CDH18: variants seen among roughly 807,000 people sequenced by gnomAD.
CDH18 encodes cadherin 18, also known as cadherin-18.
In CDH18, 31 loss-of-function variants were observed where a neutral mutation model predicts 67.9. That is an observed-to-expected ratio of 0.46 (90% CI 0.34 to 0.62). The LOEUF is 0.62. Among genes scored for constraint, CDH18 ranks in the 20% least tolerant of loss-of-function variants. The pLI, the probability that CDH18 is intolerant of heterozygous loss-of-function variation, is 0.01. For missense variants in CDH18, 890 were observed against 975.5 expected (o/e 0.91, Z 1.17); for synonymous variants, 362 against 347.2 (o/e 1.04, Z -0.48).
chr5:19,740,848 T>C (rs1434999722), intron 4 of CDH18, among the ~76,000 whole-genome samples: 1 of 151,974 alleles, frequency 6.6e-6, no homozygotes, highest in East Asian at 1.9e-4. Context: ...AATGTAACTA[T>C]AGAGAAAGAA....
At chr5:19,790,205 CA>C (rs927148645) in intron 3 of CDH18, among the ~76,000 whole-genome samples, 14 of 152,058 alleles carry the variant, frequency 9.2e-5, no homozygotes, top group Non-Finnish European at 1.3e-4. Context: ...TCTAGTTTTC[CA>C]AAAATCTAAT....
intron 6 of CDH18, among the ~76,000 whole-genome samples, chr5:19,592,336 G>A (rs1745290114): frequency 6.6e-6 from 1 of 151,946 alleles, no homozygotes; most frequent in Admixed American, 6.6e-5. Context: ...TTTCTATAGT[G>A]CTTATATTAA....
At chr5:20,109,449 T>C (rs1203683116) in intron 2 of CDH18, among the ~76,000 whole-genome samples, 1 of 152,208 alleles carries the variant, frequency 6.6e-6, no homozygotes, top group Non-Finnish European at 1.5e-5. Flanking sequence ...GATAAGGGCT[T>C]TGCAGTTAAA....
intron 5 of CDH18, among the ~76,000 whole-genome samples, chr5:19,691,533 A>T (rs893179471): frequency 3.9e-5 from 6 of 152,072 alleles, no homozygotes; most frequent in East Asian, 1.9e-4. Flanking sequence ...GATTAAAAAA[A>T]TTAATTTGCA....
At chr5:20,451,995 G>T (rs1031996322) in intron 1 of CDH18, among the ~76,000 whole-genome samples, 2 of 152,034 alleles carry the variant, frequency 1.3e-5, no homozygotes, top group Non-Finnish European at 2.9e-5. Flanking sequence ...ACCATGTAAA[G>T]AAATTTATAT....
intron 2 of CDH18, among the ~76,000 whole-genome samples, chr5:20,228,935 G>T (rs1384246759): frequency 1.3e-5 from 2 of 152,024 alleles, no homozygotes; most frequent in Non-Finnish European, 2.9e-5. Flanking sequence ...ATAGTCACAG[G>T]CTCTGATGTA....
chr5:20,390,540 G>C (rs976615449), intron 1 of CDH18, among the ~76,000 whole-genome samples: 1 of 152,118 alleles, frequency 6.6e-6, no homozygotes, highest in Non-Finnish European at 1.5e-5. Context: ...ACTGTTGGTG[G>C]GACTGTATAC....
At chr5:20,084,416 C>T (rs1045128361) in intron 2 of CDH18, among the ~76,000 whole-genome samples, 1 of 152,186 alleles carries the variant, frequency 6.6e-6, no homozygotes, top group Admixed American at 6.5e-5. Flanking sequence ...CTTTCATGGG[C>T]TGGTCTTGAG....
At chr5:19,545,303 A>G (rs1736124712) in intron 8 of CDH18, among the ~76,000 whole-genome samples, 2 of 152,218 alleles carry the variant, frequency 1.3e-5, no homozygotes, top group South Asian at 4.1e-4. Context: ...TCAATTGGTT[A>G]GAAAACAAAT....
intron 1 of CDH18, among the ~76,000 whole-genome samples, chr5:20,266,665 C>T (rs1032719997): frequency 7.1e-5 from 10 of 141,618 alleles, no homozygotes; most frequent in African/African-American, 2.1e-4. Context: ...AGGCCTCAAG[C>T]GATCCACCCA....
chr5:19,523,432 G>A (rs956716739), intron 9 of CDH18, among the ~76,000 whole-genome samples: 8 of 151,960 alleles, frequency 5.3e-5, no homozygotes, highest in Admixed American at 3.3e-4. Context: ...TGTGGCACAC[G>A]TAACTGACAA....
intron 2 of CDH18, among the ~76,000 whole-genome samples, chr5:19,897,480 T>C (rs1789471128): frequency 6.6e-6 from 1 of 152,124 alleles, no homozygotes; most frequent in South Asian, 2.1e-4. Context: ...GCCCACACAT[T>C]TAAGTTGGTG....
chr5:19,657,226 G>A (rs1756527941), intron 5 of CDH18, among the ~76,000 whole-genome samples: 1 of 151,904 alleles, frequency 6.6e-6, no homozygotes, highest in South Asian at 2.1e-4. Context: ...ATTTTCACTT[G>A]GGAGGGAATG....
chr5:20,288,273 A>G (rs1347608729), intron 1 of CDH18, among the ~76,000 whole-genome samples: 1 of 151,850 alleles, frequency 6.6e-6, no homozygotes, highest in Non-Finnish European at 1.5e-5. Flanking sequence ...TGACAATTTG[A>G]GCATGTCTGG....
intron 4 of CDH18, among the ~76,000 whole-genome samples, chr5:19,730,984 T>C (rs938986602): frequency 1.3e-5 from 2 of 152,208 alleles, no homozygotes; most frequent in African/African-American, 4.8e-5. Context: ...TTCTGCTGGA[T>C]GGCTACTTAA....
At chr5:20,563,794 A>C (rs1270085786) in intron 1 of CDH18, among the ~76,000 whole-genome samples, 1 of 152,126 alleles carries the variant, frequency 6.6e-6, no homozygotes, top group Non-Finnish European at 1.5e-5. Flanking sequence ...ATTTATTTAC[A>C]TTACATCTAG....
intron 2 of CDH18, among the ~76,000 whole-genome samples, chr5:19,941,243 A>C (rs1449815664): frequency 2.6e-5 from 4 of 152,098 alleles, no homozygotes; most frequent in African/African-American, 9.7e-5. Context: ...TTCACTAGAC[A>C]TGGAATCTGC....
At chr5:20,237,372 G>A (rs915904936) in intron 2 of CDH18, among the ~76,000 whole-genome samples, 2 of 151,792 alleles carry the variant, frequency 1.3e-5, no homozygotes, top group Non-Finnish European at 1.5e-5. Context: ...AATTAGAAAA[G>A]AAGAAATAAA....
chr5:19,804,120 CAA>C (rs772336170), intron 3 of CDH18: 15 of 70,434 alleles, frequency 2.1e-4, no homozygotes, highest in Admixed American at 3.5e-4. Context: ...GACTTTGTCT[CAA>C]AAAAAAAAAA....
Sources: gnomAD v4.1 joint callset for allele counts (sites outside exome capture counted in the v4.1 genomes callset) on GRCh38, gnomAD v4.1.1 for gene constraint, MANE v1.5 for transcripts, NCBI Gene and HGNC (gene_info 2026-07-23, HGNC 2026-07-21) for gene names.